The following SHANK2 variants were observed in gnomAD, a reference collection of about 807,000 sequenced individuals.
The protein encoded by SHANK2 is SH3 and multiple ankyrin repeat domains protein 2.
SHANK2 carries 43 observed loss-of-function variants against 133.7 expected under a neutral mutation model. That is an observed-to-expected ratio of 0.32 (90% confidence interval 0.25 to 0.41). SHANK2 has a LOEUF of 0.41. SHANK2 is among the 10% of genes least tolerant of loss of function. SHANK2 has a pLI of 1.00. For synonymous variants in SHANK2, 1,017 were observed against 952.8 expected (o/e 1.07, Z -1.24); for missense variants, 1,994 against 2,235.8 (o/e 0.89, Z 2.18).
At chr11:70,908,545 C>T (rs1330524831) in intron 10 of SHANK2, among the ~76,000 whole-genome samples, 1 of 152,196 alleles carries the variant, frequency 6.6e-6, no homozygotes, top group African/African-American at 2.4e-5. Context: ...TGGGGATCTG[C>T]AGGTGTTCTG....
intron 15 of SHANK2, among the ~76,000 whole-genome samples, chr11:70,674,953 A>C (rs1555016878): frequency 6.6e-6 from 1 of 152,256 alleles, no homozygotes; most frequent in Non-Finnish European, 1.5e-5. Context: ...ATGGCATATA[A>C]CTATGTATAA....
chr11:71,212,363 A>C (rs1954301344), intron 2 of SHANK2, among the ~76,000 whole-genome samples: 1 of 152,222 alleles, frequency 6.6e-6, no homozygotes, highest in Non-Finnish European at 1.5e-5. Flanking sequence ...AAAATCTGCA[A>C]TTTAAATAAC....
At chr11:70,917,699 T>G (rs1303023818) in intron 10 of SHANK2, among the ~76,000 whole-genome samples, 1 of 152,192 alleles carries the variant, frequency 6.6e-6, no homozygotes, top group African/African-American at 2.4e-5. Context: ...ATCATGTCCT[T>G]TGCAGGGGCA....
intron 14 of SHANK2, among the ~76,000 whole-genome samples, chr11:70,785,408 G>A (rs1555046236): frequency 1.3e-5 from 2 of 152,196 alleles, no homozygotes; most frequent in African/African-American, 2.4e-5. Context: ...CCTGTCCAGG[G>A]TGGTGGCCCA....
At chr11:70,777,620 C>G (rs1167304195) in intron 14 of SHANK2, among the ~76,000 whole-genome samples, 1 of 152,222 alleles carries the variant, frequency 6.6e-6, no homozygotes. Flanking sequence ...TGATGTGAGT[C>G]AACTGTATCC....
chr11:70,622,121 C>T (rs1249437587), intron 17 of SHANK2, among the ~76,000 whole-genome samples: 7 of 152,166 alleles, frequency 4.6e-5, no homozygotes, highest in African/African-American at 1.7e-4. Flanking sequence ...GTGAGCCTGA[C>T]AAGAACAGCT....
At chr11:70,711,395 CA>C (rs1344122572) in intron 14 of SHANK2, among the ~76,000 whole-genome samples, 1 of 152,252 alleles carries the variant, frequency 6.6e-6, no homozygotes. Flanking sequence ...AGGCTGTGCC[CA>C]GGCTGCTGAG....
At chr11:70,904,909 T>C (rs1950077524) in intron 10 of SHANK2, among the ~76,000 whole-genome samples, 2 of 152,178 alleles carry the variant, frequency 1.3e-5, no homozygotes, top group African/African-American at 4.8e-5. Flanking sequence ...TCCACCAGTA[T>C]TGTGAGGCCT....
At chr11:70,788,485 C>T (rs935264386) in intron 14 of SHANK2, among the ~76,000 whole-genome samples, 6 of 152,180 alleles carry the variant, frequency 3.9e-5, no homozygotes, top group Admixed American at 1.3e-4. Flanking sequence ...CTTTGTCCAG[C>T]GCACTCCTGC....
intron 10 of SHANK2, among the ~76,000 whole-genome samples, chr11:70,955,425 GT>G (rs1950905634): frequency 2.6e-4 from 8 of 30,658 alleles, no homozygotes; most frequent in East Asian, 4.1e-3. Flanking sequence ...CCCACGGGGT[GT>G]GTGTGTGTGT....
chr11:71,218,261 C>CTTTTTTTTTTTTT (rs71049964), intron 2 of SHANK2, among the ~76,000 whole-genome samples: 1 of 72,518 alleles, frequency 1.4e-5, no homozygotes, highest in Non-Finnish European at 2.8e-5. Flanking sequence ...TTTTCTTTTT[C>CTTTTTTTTTTTTT]TTTTTTTTTT....
chr11:70,486,658 G>A lies in SHANK2; in HGVS notation c.3635C>T (p.Pro1212Leu), dbSNP rs959210598. The A allele has an allele frequency of 6.2e-7, 1 of 1,612,168 alleles. No homozygotes were observed. The highest frequency in any genetic ancestry group is 8.5e-7 in the Non-Finnish European group (1 of 1,180,012). Residue 1212 changes from proline to leucine, a missense_variant, in exon 25 of 26, where the codon CCC (proline) becomes CTC (leucine). Around this residue, in one of 5 missense-constraint regions of SHANK2, gnomAD observed 797 missense variants for 907.4 expected, o/e 0.88. Coordinates refer to ENST00000601538, the MANE Select transcript of SHANK2 (RefSeq NM_012309.5). This position sits in a 1 kb window ranked among gnomAD's most constrained non-coding sequence, Gnocchi z 8.0. ...GAGTGCCAGGGCCAGCGGGGAGCTG[G>A]GATCAAGCAGCCGCCCTGTGAGTGG... is the stretch of plus-strand genomic sequence containing the variant. ...VHPLTGRLLDPSSPLALALSA... is the reference protein window; with the variant it reads ...VHPLTGRLLDLSSPLALALSA...
At chr11:70,614,487 T>C (rs896028068) in intron 17 of SHANK2, among the ~76,000 whole-genome samples, 2 of 152,048 alleles carry the variant, frequency 1.3e-5, no homozygotes, top group Non-Finnish European at 2.9e-5. Context: ...AATTTTGCAT[T>C]TTTTAAGTAG....
chr11:70,769,813 A>T (rs1192700279), intron 14 of SHANK2, among the ~76,000 whole-genome samples: 1 of 128,460 alleles, frequency 7.8e-6, no homozygotes, highest in African/African-American at 3.0e-5. Flanking sequence ...GTATGTGCAC[A>T]TTTGCACGTG....
intron 1 of SHANK2, among the ~76,000 whole-genome samples, chr11:71,232,425 T>C (rs140319786): frequency 6.6e-6 from 1 of 152,306 alleles, no homozygotes; most frequent in East Asian, 1.9e-4. Context: ...AAAAATATAG[T>C]TGGCCCTTAA....
At chr11:70,576,304 T>A (rs782601940) in intron 17 of SHANK2, among the ~76,000 whole-genome samples, 6 of 152,088 alleles carry the variant, frequency 3.9e-5, no homozygotes, top group Non-Finnish European at 8.8e-5. Context: ...GCAGACCCCA[T>A]GCACCTCCTG....
intron 2 of SHANK2, among the ~76,000 whole-genome samples, chr11:71,223,088 T>C (rs544718124): frequency 2.6e-5 from 4 of 152,302 alleles, no homozygotes; most frequent in South Asian, 2.1e-4. Flanking sequence ...GACATGCAGG[T>C]GCAGAGAAGG....
intron 8 of SHANK2, among the ~76,000 whole-genome samples, chr11:71,085,925 A>G (rs1309384489): frequency 3.6e-4 from 5 of 13,736 alleles, no homozygotes; most frequent in African/African-American, 2.4e-3. Context: ...ATAACATAAT[A>G]AATTGTTATA....
intron 6 of SHANK2, 72 bp downstream of exon 6, chr11:71,109,869 A>G (rs1406028168): frequency 1.1e-6 from 1 of 883,520 alleles, no homozygotes; most frequent in Non-Finnish European, 1.9e-6. Flanking sequence ...ATTCACAGGT[A>G]GCCTGAGCAG....
Sources: allele counts gnomAD v4.1 joint callset (sites outside exome capture counted in the v4.1 genomes callset), GRCh38; gene constraint gnomAD v4.1.1; regional missense constraint gnomAD v4.1.1; non-coding constraint Gnocchi (gnomAD v3.1); transcripts MANE v1.5; gene names NCBI Gene and HGNC (gene_info 2026-07-23, HGNC 2026-07-21).